Variants in TINAGL1 observed in about 807,000 individuals in gnomAD.
TINAGL1 encodes the protein tubulointerstitial nephritis antigen like 1, also known as tubulointerstitial nephritis antigen-like.
Under a neutral mutation model 62.0 loss-of-function variants are expected in TINAGL1, and 34 were observed. The observed-to-expected ratio is 0.55, with a 90% CI of 0.42 to 0.73. The LOEUF (loss-of-function observed/expected upper bound fraction) is 0.73, where lower values mean the gene tolerates loss of function less well. Among genes scored for constraint, TINAGL1 ranks in the 30% least tolerant of loss-of-function variants. TINAGL1 has a pLI of 0.00. For missense variants in TINAGL1, 516 were observed against 653.2 expected, an observed-to-expected ratio of 0.79 and a Z score of 2.29; for synonymous variants, 221 against 249.7, an observed-to-expected ratio of 0.88 and a Z score of 1.08.
rs1424638884 is a variant in TINAGL1 at position 31,585,645 on chromosome 1, G to C, written c.1094-108G>C. The C allele has an allele frequency of 1.3e-6, 2 of 1,539,694 alleles. No individual in the cohort carries two copies. Among genetic ancestry groups the C allele is most frequent in the South Asian group, 1.3e-5 (1 of 78,968 alleles). ...AGGCAGCACCTGGAGGGAGCACTTA[G>C]AGCTTTGGTATGGAGGGACCCTGGT... is the stretch of plus-strand genomic sequence containing the variant. On this transcript the variant is annotated intron_variant, in intron 9 of 11. Transcript: ENST00000271064. The surrounding 1 kb of genome is among the most constrained non-coding windows in gnomAD (Gnocchi z 4.3).
In TINAGL1 at chr1:31,584,033, GAAAA is replaced by G; in HGVS notation, c.582+459_582+462del. 1 of 169,060 alleles carries G rather than the reference GAAAA, an allele frequency of 5.9e-6. No homozygotes were observed. Among genetic ancestry groups the G allele is most frequent in the Admixed American group, 5.5e-5 (1 of 18,096 alleles). The allele number at this position is 169,060 out of a possible 1,614,324, so 10.5% of individuals were successfully genotyped here. A position where few individuals can be genotyped will look rare whatever the true frequency, so the allele number is the denominator to read the frequency against. ...CAGTGGGACCCTCTGGGAGAGGAAT[GAAAA>G]CCAGGCCCAAAGTGAAAGGGTGAGG... is the stretch of plus-strand genomic sequence containing the variant. On this transcript the variant is annotated intron_variant, in intron 5 of 11. Transcript: ENST00000271064. The surrounding 1 kb of genome is among the most constrained non-coding windows in gnomAD (Gnocchi z 4.0).
In TINAGL1 at chr1:31,585,835, G is replaced by A; in HGVS notation, c.1176G>A (p.Glu392=). The change falls in exon 10 of 12, where the codon GAG becomes GAA. Residue 392 remains glutamate (E), a synonymous_variant. Coordinates refer to ENST00000271064, the MANE Select transcript of TINAGL1 (RefSeq NM_022164.3). This position sits in a 1 kb window ranked among gnomAD's most constrained non-coding sequence, Gnocchi z 4.3. ...CGCCAGTGAGCCTTGGGAGGCCAGA[G>A]AGATACCGCCGGCATGGGACCCACT... ...SHTPVSLGRP[E]RYRRHGTHSV... 6.2e-7 allele frequency: 1 copy of A among 1,609,934 alleles called. No individual in the cohort carries two copies.
rs201831595 is a variant in TINAGL1 at position 31,577,277 on chromosome 1, G to A, written c.129G>A (p.Ala43=). The part of the protein sequence containing the change: ...PGLHLRGIRD[A]GGRYCQEQDL... ...TGCACCTGCGGGGCATCCGGGACGCGGGAGGCCGGTACTGCCAGGAGCAGG... is the reference window on the plus strand; with the variant it reads ...TGCACCTGCGGGGCATCCGGGACGCAGGAGGCCGGTACTGCCAGGAGCAGG... The change falls in exon 2 of 12, where the codon GCG becomes GCA. Residue 43 remains alanine, a synonymous_variant. Transcript: ENST00000271064. The surrounding 1 kb of genome is among the most constrained non-coding windows in gnomAD (Gnocchi z 5.4). The A allele has an allele frequency of 1.2e-5, 19 of 1,612,372 alleles. No homozygotes were observed. The highest frequency in any genetic ancestry group is 5.0e-5 in the Admixed American group (3 of 59,966).
At position 31,584,479 on chromosome 1, in the gene TINAGL1, G is replaced by C. The variant is rs1639332111; in HGVS notation, c.583-199G>C. On this transcript the variant is annotated intron_variant, in intron 5 of 11. Transcript: ENST00000271064. This position sits in a 1 kb window ranked among gnomAD's most constrained non-coding sequence, Gnocchi z 4.0. Reference sequence around the variant, plus strand: ...GCCACCCCGCCCCGCCCCACCACCTGATACCTGGGAGGCACTAAATGGTGC... The same window carrying C: ...GCCACCCCGCCCCGCCCCACCACCTCATACCTGGGAGGCACTAAATGGTGC... The C allele has an allele frequency of 1.4e-6, 1 of 713,680 alleles. No individual in the cohort carries two copies. Among genetic ancestry groups the C allele is most frequent in the African/African-American group, 1.8e-5 (1 of 55,348 alleles). 44.2% of individuals were successfully genotyped at this position (713,680 alleles called of 1,614,324 possible).
rs200558354 is a variant in TINAGL1 at position 31,577,284 on chromosome 1, C to T, written c.136C>T (p.Arg46Trp). ...HLRGIRDAGGRYCQEQDLCCR... is the reference protein window; with the variant it reads ...HLRGIRDAGGWYCQEQDLCCR... ...GCGGGGCATCCGGGACGCGGGAGGC[C>T]GGTACTGCCAGGAGCAGGACCTGTG... The change falls in exon 2 of 12, where the codon CGG (arginine) becomes TGG (tryptophan). Residue 46 changes from arginine to tryptophan, a missense_variant. By Grantham distance (101) the Arg-to-Trp change is moderately radical. Coordinates refer to ENST00000271064, the MANE Select transcript of TINAGL1 (RefSeq NM_022164.3). This position sits in a 1 kb window ranked among gnomAD's most constrained non-coding sequence, Gnocchi z 5.4. The T allele has an allele frequency of 9.3e-6, 15 of 1,612,622 alleles. No individual in the cohort carries two copies. Among genetic ancestry groups the T allele is most frequent in the East Asian group, 4.5e-5 (2 of 44,890 alleles).
rs1639373747 is a variant in TINAGL1 at position 31,585,739 on chromosome 1, A to C, written c.1094-14A>C. The C allele has an allele frequency of 6.2e-7, 1 of 1,610,500 alleles. No individual in the cohort carries two copies. The highest frequency in any genetic ancestry group is 8.5e-7 in the Non-Finnish European group (1 of 1,178,302). On this transcript the variant is annotated splice_polypyrimidine_tract_variant and intron_variant, in intron 9 of 11. Transcript: ENST00000271064. This position sits in a 1 kb window ranked among gnomAD's most constrained non-coding sequence, Gnocchi z 4.3. Reference sequence around the variant, plus strand: ...AACGGGCTGAGTGGACCCTACCTTGACATCTGCCCACAGCCCTCATGGAGG... The same window carrying C: ...AACGGGCTGAGTGGACCCTACCTTGCCATCTGCCCACAGCCCTCATGGAGG...
intron 3 of TINAGL1, chr1:31,580,688 TG>T (rs1038761108): frequency 1.6e-6 from 2 of 1,283,026 alleles, no homozygotes; most frequent in African/African-American, 3.0e-5. Context: ...GTGGGAGCCT[TG>T]GACAGCTTGC....
At chr1:31,586,058 G>C (rs1231687261) in intron 10 of TINAGL1, 182 bp downstream of exon 10, 10 of 753,536 alleles carry the variant, frequency 1.3e-5, no homozygotes, top group Non-Finnish European at 2.0e-5. Flanking sequence ...AAGGTTGGGA[G>C]CCTCTGAAGG....
At chr1:31,578,068 C>A in intron 2 of TINAGL1, 1 of 810,300 alleles carries the variant, frequency 1.2e-6, no homozygotes, top group Non-Finnish European at 1.5e-6. Context: ...CTCCCACTCC[C>A]CATCTCCAAG....
At chr1:31,580,937 A>C in intron 3 of TINAGL1, 1 of 363,348 alleles carries the variant, frequency 2.8e-6, no homozygotes, top group Non-Finnish European at 3.8e-6. Flanking sequence ...CAAGCTGCCC[A>C]GTGTTATAGG....
intron 3 of TINAGL1, chr1:31,579,642 G>A (rs1281086878): frequency 2.6e-5 from 5 of 192,184 alleles, no homozygotes; most frequent in South Asian, 1.1e-4. Context: ...TGCCCTGAGC[G>A]GATGAGGGTC....
At position 31,583,019 on chromosome 1, in the gene TINAGL1, G is replaced by A. The variant is rs1158650800; in HGVS notation, c.375-130G>A. On this transcript the variant is annotated intron_variant, in intron 3 of 11. Coordinates refer to ENST00000271064, the MANE Select transcript of TINAGL1 (RefSeq NM_022164.3). This position sits in a 1 kb window ranked among gnomAD's most constrained non-coding sequence, Gnocchi z 4.4. ...GACATTTAAAGCCACCAGGCTGGAT[G>A]GGATCACCTAGAGATTCTCCCACAG... 2.6e-6 allele frequency: 2 copies of A among 768,514 alleles called. No individual in the cohort carries two copies. Among genetic ancestry groups the A allele is most frequent in the African/African-American group, 3.4e-5 (2 of 58,354 alleles). 47.6% of individuals were successfully genotyped at this position (768,514 alleles called of 1,614,324 possible). A position where few individuals can be genotyped will look rare whatever the true frequency, so the allele number is the denominator to read the frequency against.
Position 31,585,241 on chromosome 1 carries a change from G to C in TINAGL1, c.948G>C (p.Met316Ile). Residue 316 changes from methionine to isoleucine, a missense_variant, in exon 8 of 12, where the codon ATG becomes ATC. Met to Ile is a conservative substitution (Grantham distance 10, BLOSUM62 1). Transcript: ENST00000271064. This position sits in a 1 kb window ranked among gnomAD's most constrained non-coding sequence, Gnocchi z 4.3. ...CCTGTATGATGCACAGCCGAGCCATGGGTCGGGGCAAGCGCCAGGCCACTG... is the reference window on the plus strand; with the variant it reads ...CCTGTATGATGCACAGCCGAGCCATCGGTCGGGGCAAGCGCCAGGCCACTG... ...APPCMMHSRA[M>I]GRGKRQATAH... 6.2e-7 allele frequency: 1 copy of C among 1,613,578 alleles called. No individual in the cohort carries two copies. The highest frequency in any genetic ancestry group is 8.5e-7 in the Non-Finnish European group (1 of 1,179,760).
Position 31,577,324 on chromosome 1 carries a change from CCGA to C in TINAGL1, c.181_183del (p.Asp61del), listed in dbSNP as rs1192018462. 1.9e-6 allele frequency: 3 copies of C among 1,613,850 alleles called. No homozygotes were observed. The highest frequency in any genetic ancestry group is 2.2e-5 in the East Asian group (1 of 44,886). ...CAGGACCTGTGCTGCCGCGGCCGTG[CCGA>C]CGACTGTGCCCTGCCCTACCTGGGC... On this transcript the variant is annotated inframe_deletion, in exon 2 of 12. Coordinates refer to ENST00000271064, the MANE Select transcript of TINAGL1 (RefSeq NM_022164.3). This position sits in a 1 kb window ranked among gnomAD's most constrained non-coding sequence, Gnocchi z 5.4.
At chr1:31,582,103 G>A (rs1639261672) in intron 3 of TINAGL1, among the ~76,000 whole-genome samples, 1 of 152,236 alleles carries the variant, frequency 6.6e-6, no homozygotes, top group African/African-American at 2.4e-5. Context: ...GCCAAGGCGG[G>A]TGGATCACTT....
rs764343611 is a variant in TINAGL1 at position 31,577,261 on chromosome 1, G to A, written c.113G>A (p.Arg38Gln). The A allele has an allele frequency of 1.8e-5, 29 of 1,611,098 alleles. No individual in the cohort carries two copies. Among genetic ancestry groups the A allele is most frequent in the East Asian group, 6.7e-5 (3 of 44,864 alleles). Reference sequence around the variant, plus strand: ...GAGCTAGCACCGGGTCTGCACCTGCGGGGCATCCGGGACGCGGGAGGCCGG... The same window carrying A: ...GAGCTAGCACCGGGTCTGCACCTGCAGGGCATCCGGGACGCGGGAGGCCGG... The part of the protein sequence containing the change: ...RRELAPGLHL[R>Q]GIRDAGGRYC... Residue 38 changes from arginine to glutamine, a missense_variant, in exon 2 of 12, where the codon CGG (arginine) becomes CAG (glutamine). Coordinates refer to ENST00000271064, the MANE Select transcript of TINAGL1 (RefSeq NM_022164.3). This position sits in a 1 kb window ranked among gnomAD's most constrained non-coding sequence, Gnocchi z 5.4.
chr1:31,579,299 T>C, intron 3 of TINAGL1, 32 bp downstream of exon 3: 1 of 1,598,442 alleles, frequency 6.3e-7, no homozygotes, highest in Non-Finnish European at 8.6e-7. Context: ...GGGTCTTGCT[T>C]TGTGAGCCTG....
At position 31,585,109 on chromosome 1, in the gene TINAGL1, ACT is replaced by A. The variant is rs1639352386; in HGVS notation, c.858-41_858-40del. 2.6e-6 allele frequency: 4 copies of A among 1,564,994 alleles called. No individual in the cohort carries two copies. Among genetic ancestry groups the A allele is most frequent in the Non-Finnish European group, 3.5e-6 (4 of 1,151,740 alleles). ...GTGGGCATGGCCTGGGCCATGATGCACTGAGTCTTTCTGCCTTTGCTCCCTCT... is the reference window on the plus strand; with the variant it reads ...GTGGGCATGGCCTGGGCCATGATGCAGAGTCTTTCTGCCTTTGCTCCCTCT... On this transcript the variant is annotated intron_variant, in intron 7 of 11. Coordinates refer to ENST00000271064, the MANE Select transcript of TINAGL1 (RefSeq NM_022164.3). The surrounding 1 kb of genome is among the most constrained non-coding windows in gnomAD (Gnocchi z 4.3).
rs763317861 is a variant in TINAGL1, at chr1:31,583,490, G to A, written c.497G>A (p.Trp166Ter). Residue 166 changes from tryptophan to a stop codon, truncating the protein, a stop_gained, in exon 5 of 12, where the codon TGG becomes TAG. Coordinates refer to ENST00000271064, the MANE Select transcript of TINAGL1 (RefSeq NM_022164.3). LOFTEE classifies it high-confidence loss of function. The surrounding 1 kb of genome is among the most constrained non-coding windows in gnomAD (Gnocchi z 4.4). The part of the protein sequence containing the change: ...GWQAGNHSAF[W>*]GMTLDEGIRY... ...CAGGCTGGGAACCACAGCGCCTTCT[G>A]GGGCATGACCCTGGATGAGGGCATT... The A allele has an allele frequency of 1.2e-5, 19 of 1,613,998 alleles. No homozygotes were observed. The highest frequency in any genetic ancestry group is 1.6e-5 in the Non-Finnish European group (19 of 1,179,980).
Sources: gnomAD v4.1 joint callset for allele counts (sites outside exome capture counted in the v4.1 genomes callset) on GRCh38, gnomAD v4.1.1 for gene constraint, Gnocchi (gnomAD v3.1) non-coding constraint, MANE v1.5 for transcripts, NCBI Gene and HGNC (gene_info 2026-07-23, HGNC 2026-07-21) for gene names.